The following SLC24A3 variants were observed in gnomAD, a reference collection of about 807,000 sequenced individuals.
SLC24A3 encodes the protein solute carrier family 24 member 3, also known as sodium/potassium/calcium exchanger 3.
In SLC24A3, 28 loss-of-function variants were observed where a neutral mutation model predicts 75.8. The observed-to-expected ratio is 0.37, with a 90% CI of 0.27 to 0.51. The LOEUF is 0.51. Among genes scored for constraint, SLC24A3 ranks in the 20% least tolerant of loss-of-function variants. The pLI, the probability that SLC24A3 is intolerant of heterozygous loss-of-function variation, is 0.94. For missense variants in SLC24A3, 663 were observed against 847.8 expected (o/e 0.78, Z 2.71); for synonymous variants, 372 against 334.1 (o/e 1.11, Z -1.24).
At position 19,354,788 on chromosome 20, in the gene SLC24A3, T is replaced by C. The variant is rs145107321; in HGVS notation, c.271+73701T>C. On this transcript the variant is annotated intron_variant, in intron 2 of 16. Coordinates refer to ENST00000328041, the MANE Select transcript of SLC24A3 (RefSeq NM_020689.4). ...AATACCAAGTCTTCTCAAGGATGTG[T>C]AGCAACCAGGCTCTAATATATGGTT... Among the ~76,000 whole-genome samples the C allele has an allele frequency of 6.0e-3, 912 of 152,266 alleles. 4 individuals are homozygous for C. Among genetic ancestry groups the C allele is most frequent in the Non-Finnish European group, 9.6e-3 (655 of 68,016 alleles).
chr20:19,319,103 C>G (rs546746529), intron 2 of SLC24A3, among the ~76,000 whole-genome samples: 35 of 152,142 alleles, frequency 2.3e-4, no homozygotes, highest in Non-Finnish European at 4.6e-4. Context: ...TTTGCCTCTT[C>G]CTGCTCTAAA....
chr20:19,700,503 G>A (rs962370353), intron 15 of SLC24A3, among the ~76,000 whole-genome samples: 6 of 152,196 alleles, frequency 3.9e-5, no homozygotes, highest in African/African-American at 1.4e-4. Context: ...CAGGTAATTA[G>A]GTTAGTGTTG....
intron 2 of SLC24A3, among the ~76,000 whole-genome samples, chr20:19,426,116 A>G (rs949554319): frequency 2.6e-5 from 4 of 152,144 alleles, no homozygotes; most frequent in Non-Finnish European, 5.9e-5. Context: ...TATTTTCCCA[A>G]ACTTACTAGT....
chr20:19,316,712 A>G (rs1009385156), intron 2 of SLC24A3, among the ~76,000 whole-genome samples: 2 of 152,220 alleles, frequency 1.3e-5, no homozygotes, highest in Non-Finnish European at 2.9e-5. Flanking sequence ...GACTTTGCTG[A>G]GGAGACAATG....
chr20:19,472,840 G>A (rs752101681), intron 2 of SLC24A3, among the ~76,000 whole-genome samples: 3 of 152,184 alleles, frequency 2.0e-5, no homozygotes, highest in East Asian at 3.9e-4. Context: ...CACACCCTTG[G>A]GCATGCGGAC....
At chr20:19,520,833 TTC>T (rs2030086244) in intron 3 of SLC24A3, among the ~76,000 whole-genome samples, 3 of 152,212 alleles carry the variant, frequency 2.0e-5, no homozygotes, top group Non-Finnish European at 4.4e-5. Flanking sequence ...TACATCCAAA[TTC>T]TCTCTTATTC....
chr20:19,627,254 G>C (rs1274576243), intron 6 of SLC24A3, among the ~76,000 whole-genome samples: 1 of 152,142 alleles, frequency 6.6e-6, no homozygotes, highest in Non-Finnish European at 1.5e-5. Flanking sequence ...TGGTACAACC[G>C]CACATAAGCC....
At chr20:19,444,877 T>G (rs1335353654) in intron 2 of SLC24A3, among the ~76,000 whole-genome samples, 1 of 152,092 alleles carries the variant, frequency 6.6e-6, no homozygotes, top group Non-Finnish European at 1.5e-5. Context: ...CTTTTTGTTG[T>G]TGTTGTTGTT....
At chr20:19,605,422 TC>T (rs1438478015) in intron 6 of SLC24A3, among the ~76,000 whole-genome samples, 1 of 152,226 alleles carries the variant, frequency 6.6e-6, no homozygotes, top group Non-Finnish European at 1.5e-5. Context: ...TCTTTTCTTT[TC>T]TTTATAAAAT....
rs540473510 is a variant in SLC24A3 at position 19,238,870 on chromosome 20, T to C, written c.142+25886T>C. On this transcript the variant is annotated intron_variant, in intron 1 of 16. Transcript: ENST00000328041. ...TCATCAGTATTACTATTGATCTTTCTCCTCCTCCTGTCCTTCTCTTTCACT... is the reference window on the plus strand; with the variant it reads ...TCATCAGTATTACTATTGATCTTTCCCCTCCTCCTGTCCTTCTCTTTCACT... 1.1e-4 allele frequency among the ~76,000 whole-genome samples: 16 copies of C among 152,132 alleles called. 1 individual carries two copies. In the East Asian group the frequency reaches 2.9e-3, roughly 28 times the overall value.
chr20:19,280,848 T>C lies in SLC24A3; in HGVS notation c.143-111T>C, dbSNP rs932514366. 3.5e-6 allele frequency: 5 copies of C among 1,440,936 alleles called. No individual in the cohort carries two copies. The African/African-American group carries it at 7.1e-5, about 20-fold the overall frequency. 89.3% of individuals were successfully genotyped at this position (1,440,936 alleles called of 1,614,324 possible). A position where few individuals can be genotyped will look rare whatever the true frequency, so the allele number is the denominator to read the frequency against. The stretch of plus-strand genomic sequence containing the variant: ...CAGCTAGAGGCAGAGTGGCTGGGGG[T>C]GCAGGCGGGGCTGAACAAGTGATGG... On this transcript the variant is annotated intron_variant, in intron 1 of 16. Transcript: ENST00000328041.
chr20:19,381,838 G>C (rs1169662476), intron 2 of SLC24A3, among the ~76,000 whole-genome samples: 1 of 152,126 alleles, frequency 6.6e-6, no homozygotes, highest in Admixed American at 6.5e-5. Context: ...CAATTTTCCA[G>C]GTTGACAAAA....
intron 3 of SLC24A3, among the ~76,000 whole-genome samples, chr20:19,525,980 G>C (rs1031783625): frequency 6.6e-6 from 1 of 152,104 alleles, no homozygotes; most frequent in Non-Finnish European, 1.5e-5. Flanking sequence ...GAACGAACTC[G>C]GAGGTAGGGG....
intron 1 of SLC24A3, among the ~76,000 whole-genome samples, chr20:19,253,752 G>T (rs1427390693): frequency 3.9e-5 from 6 of 152,206 alleles, no homozygotes; most frequent in Non-Finnish European, 8.8e-5. Flanking sequence ...TGCATGGAAT[G>T]GTCCTGTCCT....
intron 1 of SLC24A3, among the ~76,000 whole-genome samples, chr20:19,218,274 A>G (rs1051230275): frequency 3.3e-5 from 5 of 152,200 alleles, no homozygotes; most frequent in Non-Finnish European, 7.4e-5. Context: ...TGCCATTGAT[A>G]ATAGAATTCT....
At chr20:19,365,451 G>T (rs1193160551) in intron 2 of SLC24A3, among the ~76,000 whole-genome samples, 2 of 152,094 alleles carry the variant, frequency 1.3e-5, no homozygotes, top group African/African-American at 4.8e-5. Flanking sequence ...CCACTGTGGG[G>T]CGTTTCTTTA....
At chr20:19,216,958 C>T (rs1981576038) in intron 1 of SLC24A3, among the ~76,000 whole-genome samples, 1 of 152,222 alleles carries the variant, frequency 6.6e-6, no homozygotes, top group Non-Finnish European at 1.5e-5. Context: ...AGCAACACCT[C>T]TCCCATGCCT....
intron 6 of SLC24A3, among the ~76,000 whole-genome samples, chr20:19,587,785 A>C (rs2031319748): frequency 6.6e-6 from 1 of 152,214 alleles, no homozygotes; most frequent in Non-Finnish European, 1.5e-5. Flanking sequence ...GGGTACAAGC[A>C]CACCTACTTC....
Position 19,582,564 on chromosome 20 carries a change from G to T in SLC24A3, c.424-2407G>T, listed in dbSNP as rs6075536. On this transcript the variant is annotated intron_variant, in intron 4 of 16. Transcript: ENST00000328041. ...CAATGATCCAGGATCCGAAACTGGG[G>T]TCAGGCAGGCCCTGGTGCTTACAAA... is the stretch of plus-strand genomic sequence containing the variant. 7.9e-5 allele frequency among the ~76,000 whole-genome samples: 12 copies of T among 152,188 alleles called. 1 individual carries two copies. The South Asian group carries it at 2.5e-3, about 32-fold the overall frequency.
Sources: gnomAD v4.1 joint callset for allele counts (sites outside exome capture counted in the v4.1 genomes callset) on GRCh38, gnomAD v4.1.1 for gene constraint, MANE v1.5 for transcripts, NCBI Gene and HGNC (gene_info 2026-07-23, HGNC 2026-07-21) for gene names.